The following NUMB variants were observed in gnomAD, a reference collection of about 807,000 sequenced individuals.
NUMB encodes the protein NUMB endocytic adaptor protein, also known as protein numb homolog.
In NUMB, 29 loss-of-function variants were observed where a neutral mutation model predicts 59.7. The observed-to-expected ratio is 0.49, with a 90% CI of 0.36 to 0.66. NUMB has a LOEUF of 0.66. Ranked by LOEUF, NUMB falls within the 30% of genes least tolerant of loss-of-function variation. NUMB has a pLI of 0.00. For synonymous variants in NUMB, 288 were observed against 288.2 expected (o/e 1.00, Z 0.01); for missense variants, 723 against 822.0 (o/e 0.88, Z 1.47).
At chr14:73,407,839 T>C (rs946970572) in intron 2 of NUMB, among the ~76,000 whole-genome samples, 1 of 152,240 alleles carries the variant, frequency 6.6e-6, no homozygotes. Flanking sequence ...ATTTGAGAAT[T>C]ACCTATATTC....
intron 1 of NUMB, among the ~76,000 whole-genome samples, chr14:73,429,419 A>T (rs113332107): frequency 0.021 from 3,227 of 152,210 alleles, 61 homozygotes; most frequent in Middle Eastern, 0.061. Context: ...CCTGTTCCAA[A>T]ATACCACAAA....
At chr14:73,420,693 G>A (rs559915819) in intron 1 of NUMB, among the ~76,000 whole-genome samples, 33 of 152,188 alleles carry the variant, frequency 2.2e-4, no homozygotes, top group African/African-American at 7.9e-4. Flanking sequence ...CATGGCACAC[G>A]TCTGTAATCC....
At chr14:73,357,742 AACAGAGCG>A (rs1893879005) in intron 3 of NUMB, among the ~76,000 whole-genome samples, 4 of 152,288 alleles carry the variant, frequency 2.6e-5, no homozygotes, top group Admixed American at 2.6e-4. Context: ...CAGCCTGGGC[AACAGAGCG>A]AGACTGTCTC....
At chr14:73,449,823 G>T (rs1447575452) in intron 1 of NUMB, among the ~76,000 whole-genome samples, 1 of 152,150 alleles carries the variant, frequency 6.6e-6, no homozygotes, top group Non-Finnish European at 1.5e-5. Context: ...GAGTAGCTGG[G>T]ATTACAGGCA....
At chr14:73,385,495 C>CTTTTTTTTTTTTTTTTT (rs1566773092) in intron 2 of NUMB, among the ~76,000 whole-genome samples, 2 of 67,546 alleles carry the variant, frequency 3.0e-5, no homozygotes, top group Non-Finnish European at 5.5e-5. Flanking sequence ...TGGCTAGTGG[C>CTTTTTTTTTTTTTTTTT]CTTTTTTTTT....
intron 2 of NUMB, among the ~76,000 whole-genome samples, chr14:73,373,871 T>A (rs1894820143): frequency 6.6e-6 from 1 of 151,710 alleles, no homozygotes; most frequent in African/African-American, 2.4e-5. Context: ...GCTTAGCTAA[T>A]TTTTTTTCTT....
chr14:73,276,446 G>GGACTT lies in NUMB; in HGVS notation c.*127_*131dup. On this transcript the variant is annotated 3_prime_UTR_variant, in exon 13 of 13. Coordinates refer to ENST00000555238, the MANE Select transcript of NUMB (RefSeq NM_001005743.2). ...TCACCCCTCACAGTACTCTGGGCCT[G>GGACTT]GACTTGTTCCTTGGGACCTTTGGGA... The GGACTT allele has an allele frequency of 1.5e-6, 1 of 687,550 alleles. No individual in the cohort carries two copies. The highest frequency in any genetic ancestry group is 2.4e-6 in the Non-Finnish European group (1 of 412,546). The allele number at this position is 687,550 out of a possible 1,614,324, so 42.6% of individuals were successfully genotyped here.
At chr14:73,409,014 A>G (rs955326002) in intron 2 of NUMB, 5 of 152,186 alleles carry the variant, frequency 3.3e-5, no homozygotes, top group African/African-American at 1.2e-4. Flanking sequence ...CTCATACACC[A>G]TAATATCCTG....
intron 9 of NUMB, chr14:73,286,420 T>C (rs1889008734): frequency 6.6e-6 from 1 of 152,248 alleles, no homozygotes; most frequent in Admixed American, 6.5e-5. Flanking sequence ...TATACAAGAA[T>C]TCAAAAGTAT....
At chr14:73,318,060 G>C (rs1353031971) in intron 5 of NUMB, among the ~76,000 whole-genome samples, 1 of 152,118 alleles carries the variant, frequency 6.6e-6, no homozygotes, top group Non-Finnish European at 1.5e-5. Context: ...AAAGTAATTG[G>C]GTAGTTATCA....
chr14:73,401,697 G>A (rs113969979), intron 2 of NUMB, among the ~76,000 whole-genome samples: 23,724 of 150,178 alleles, frequency 0.16, 2,670 homozygotes, highest in Non-Finnish European at 0.23. Flanking sequence ...AGCCTCCCAG[G>A]CAGCTGGGAC....
intron 1 of NUMB, among the ~76,000 whole-genome samples, chr14:73,416,550 T>C (rs1368701390): frequency 1.3e-5 from 2 of 151,988 alleles, no homozygotes; most frequent in Non-Finnish European, 2.9e-5. Flanking sequence ...TGTGCAAATA[T>C]GTATGTATAG....
chr14:73,294,527 C>CT (rs1414010359), intron 7 of NUMB, among the ~76,000 whole-genome samples: 3 of 151,790 alleles, frequency 2.0e-5, no homozygotes, highest in African/African-American at 4.8e-5. Flanking sequence ...TTTTTACTTT[C>CT]TTTTTTTGAG....
rs746945639 is a variant in NUMB at position 73,277,052 on chromosome 14, T to C, written c.1482A>G (p.Pro494=). Residue 494 remains proline (P), a synonymous_variant, in exon 13 of 13, where the codon CCA becomes CCG. Coordinates refer to ENST00000555238, the MANE Select transcript of NUMB (RefSeq NM_001005743.2). ...GTTGCAGGGCTGGGACCACACCCAC[T>C]GGCACAGGCTGAGAGGTGAGGAATG... is the stretch of plus-strand genomic sequence containing the variant. The part of the protein sequence containing the change: ...GNAFLTSQPV[P]VGVVPALQPA... 3 of 1,613,988 alleles carry C rather than the reference T, an allele frequency of 1.9e-6. No homozygotes were observed. The highest frequency in any genetic ancestry group is 1.7e-5 in the Admixed American group (1 of 60,000).
chr14:73,417,773 AAAC>A (rs1325275561), intron 1 of NUMB, among the ~76,000 whole-genome samples: 1 of 152,172 alleles, frequency 6.6e-6, no homozygotes, highest in Admixed American at 6.5e-5. Flanking sequence ...CAAAAGATGA[AAAC>A]AACCTAAGTG....
chr14:73,447,686 A>G (rs1883624429), intron 1 of NUMB, among the ~76,000 whole-genome samples: 1 of 151,348 alleles, frequency 6.6e-6, no homozygotes. Context: ...AAAAAAAAAA[A>G]GAAAAGAAAA....
At chr14:73,400,444 A>C (rs1248005019) in intron 2 of NUMB, among the ~76,000 whole-genome samples, 1 of 152,234 alleles carries the variant, frequency 6.6e-6, no homozygotes, top group Non-Finnish European at 1.5e-5. Context: ...TAATGTGTCA[A>C]TGTGGGTTTA....
rs948767519 is a variant in NUMB, at chr14:73,350,070, T to C, written c.126+5556A>G. On this transcript the variant is annotated intron_variant, in intron 4 of 12. Coordinates refer to ENST00000555238, the MANE Select transcript of NUMB (RefSeq NM_001005743.2). Reference sequence around the variant, plus strand: ...ATACATACATACATATATACATACATACATACATACACACACACACACACA... The same window carrying C: ...ATACATACATACATATATACATACACACATACATACACACACACACACACA... 1.4e-3 allele frequency among the ~76,000 whole-genome samples: 153 copies of C among 110,268 alleles called. 2 individuals are homozygous for C. The South Asian group carries it at 0.015, about 11-fold the overall frequency. The allele number at this position is 110,268 out of a possible 152,430, so 72.3% of individuals were successfully genotyped here. A position where few individuals can be genotyped will look rare whatever the true frequency, so the allele number is the denominator to read the frequency against.
At chr14:73,413,629 G>A (rs1010559050) in intron 1 of NUMB, among the ~76,000 whole-genome samples, 48 of 151,664 alleles carry the variant, frequency 3.2e-4, no homozygotes, top group Non-Finnish European at 8.8e-5. Flanking sequence ...CTAGTGGTGC[G>A]CATCTGTAGT....
Sources: gnomAD v4.1 joint callset for allele counts (sites outside exome capture counted in the v4.1 genomes callset) on GRCh38, gnomAD v4.1.1 for gene constraint, MANE v1.5 for transcripts, NCBI Gene and HGNC (gene_info 2026-07-23, HGNC 2026-07-21) for gene names.